AAK1: variants seen among roughly 807,000 people sequenced by gnomAD.
AAK1 encodes the protein AP2-associated protein kinase 1.
Under a neutral mutation model 116.0 loss-of-function variants are expected in AAK1, and 37 were observed. The ratio of observed to expected loss-of-function variants is 0.32; its 90% CI spans 0.25 to 0.42. The LOEUF (loss-of-function observed/expected upper bound fraction) is 0.42, where lower values mean the gene tolerates loss of function less well. Ranked by LOEUF, AAK1 falls within the 10% of genes least tolerant of loss-of-function variation. The pLI, the probability that AAK1 is intolerant of heterozygous loss-of-function variation, is 1.00. For missense variants in AAK1, 919 were observed against 1,170.6 expected (o/e 0.79, Z 3.14); for synonymous variants, 458 against 439.9 (o/e 1.04, Z -0.51).
At chr2:69,477,365 T>C (rs923135866) in intron 20 of AAK1, among the ~76,000 whole-genome samples, 1 of 152,036 alleles carries the variant, frequency 6.6e-6, no homozygotes, top group African/African-American at 2.4e-5. Context: ...TTTGAAAAAC[T>C]CAAAACCGGG....
At chr2:69,535,856 A>T (rs1270305781) in intron 5 of AAK1, among the ~76,000 whole-genome samples, 1 of 152,220 alleles carries the variant, frequency 6.6e-6, no homozygotes, top group Non-Finnish European at 1.5e-5. Flanking sequence ...AGACAAGACA[A>T]TGTGGAGCCA....
intron 12 of AAK1, among the ~76,000 whole-genome samples, chr2:69,518,411 G>GTTT (rs71397333): frequency 3.0e-5 from 4 of 132,608 alleles, no homozygotes; most frequent in Non-Finnish European, 4.8e-5. Flanking sequence ...AAAAAAAATA[G>GTTT]TTTTTTTTTT....
intron 14 of AAK1, among the ~76,000 whole-genome samples, chr2:69,508,663 A>T (rs1440500596): frequency 6.6e-6 from 1 of 152,254 alleles, no homozygotes; most frequent in Admixed American, 6.5e-5. Context: ...ATTATACATC[A>T]TATCAGAGGA....
chr2:69,469,460 T>TGAAG lies in AAK1; in HGVS notation c.*6405_*6408dup. ...TTTCAGGGTGAACAGTTCCTTTATA[T>TGAAG]GAAGGTAGCATTGTGTCAACAAGAA... is the stretch of plus-strand genomic sequence containing the variant. On this transcript the variant is annotated 3_prime_UTR_variant, in exon 22 of 22. Coordinates refer to ENST00000409085, the MANE Select transcript of AAK1 (RefSeq NM_014911.5). The TGAAG allele has an allele frequency of 2.0e-6, 2 of 985,516 alleles. No individual in the cohort carries two copies. The highest frequency in any genetic ancestry group is 2.4e-6 in the Non-Finnish European group (2 of 829,948). The allele number at this position is 985,516 out of a possible 1,614,324, so 61.0% of individuals were successfully genotyped here. A position where few individuals can be genotyped will look rare whatever the true frequency, so the allele number is the denominator to read the frequency against.
chr2:69,637,998 TG>T (rs1675524862), intron 2 of AAK1, among the ~76,000 whole-genome samples: 2 of 152,234 alleles, frequency 1.3e-5, no homozygotes, highest in African/African-American at 4.8e-5. Flanking sequence ...ACTTCATTTC[TG>T]AATTCTAGAT....
chr2:69,618,862 C>A (rs1473339868), intron 2 of AAK1, among the ~76,000 whole-genome samples: 1 of 152,306 alleles, frequency 6.6e-6, no homozygotes, highest in Middle Eastern at 3.4e-3. Context: ...ATCAGTCTCC[C>A]CCATTCTGAC....
At chr2:69,630,751 C>T (rs938451670) in intron 2 of AAK1, among the ~76,000 whole-genome samples, 2 of 152,156 alleles carry the variant, frequency 1.3e-5, no homozygotes, top group Non-Finnish European at 2.9e-5. Context: ...CTAAGGAGAA[C>T]ATCATAGCAC....
At chr2:69,546,033 GA>G (rs938462836) in intron 3 of AAK1, among the ~76,000 whole-genome samples, 5 of 151,958 alleles carry the variant, frequency 3.3e-5, no homozygotes, top group African/African-American at 9.6e-5. Flanking sequence ...ATAATTGACG[GA>G]AAAAGTCCTA....
At chr2:69,509,523 A>G in intron 13 of AAK1, 63 bp from the exon 14 acceptor site, 1 of 1,391,722 alleles carries the variant, frequency 7.2e-7, no homozygotes, top group Non-Finnish European at 9.8e-7. Flanking sequence ...AGGAAAAACA[A>G]ACAGATAAGT....
At chr2:69,611,785 A>T (rs923691204) in intron 2 of AAK1, among the ~76,000 whole-genome samples, 1 of 152,258 alleles carries the variant, frequency 6.6e-6, no homozygotes, top group Admixed American at 6.5e-5. Context: ...AAACTGTGGT[A>T]TAGACATGCA....
In AAK1 at chr2:69,474,935, T is replaced by C. The variant is rs1558890518; in HGVS notation, c.*934A>G. ...AAATAAAAATCACAAGAAAAATACA[T>C]CTGTTTCTGCTACAATTCCTTCCCC... On this transcript the variant is annotated 3_prime_UTR_variant, in exon 22 of 22. Transcript: ENST00000409085. 1.0e-6 allele frequency: 1 copy of C among 985,326 alleles called. No individual in the cohort carries two copies. The allele number at this position is 985,326 out of a possible 1,614,324, so 61.0% of individuals were successfully genotyped here. A position where few individuals can be genotyped will look rare whatever the true frequency, so the allele number is the denominator to read the frequency against.
At chr2:69,578,574 A>C (rs953900805) in intron 2 of AAK1, among the ~76,000 whole-genome samples, 11 of 152,044 alleles carry the variant, frequency 7.2e-5, no homozygotes, top group Non-Finnish European at 1.2e-4. Flanking sequence ...CCACCACCCC[A>C]ATCTACCAAC....
chr2:69,638,170 G>A (rs187484338), intron 2 of AAK1, among the ~76,000 whole-genome samples: 11 of 152,302 alleles, frequency 7.2e-5, no homozygotes, highest in East Asian at 3.9e-4. Flanking sequence ...TGGTGTTTGC[G>A]TCAAGAGAAG....
chr2:69,478,977 G>C lies in AAK1; in HGVS notation c.2654C>G (p.Thr885Arg). The change falls in exon 20 of 22, where the codon ACA becomes AGA. Residue 885 changes from threonine to arginine, a missense_variant. Physicochemically the swap from Thr to Arg is moderately conservative, Grantham distance 71. Around this residue, in one of 4 missense-constraint regions of AAK1, gnomAD observed 263 missense variants for 285.5 expected, o/e 0.92. Coordinates refer to ENST00000409085, the MANE Select transcript of AAK1 (RefSeq NM_014911.5). ...TTTATGGACTGGAGCAGAGATTGCT[G>C]TGGGGGCAAACTCTTCCAGAAGGTC... Reference protein sequence around the residue: ...TTDLLEEFAPTAISAPVHKAA... With the variant: ...TTDLLEEFAPRAISAPVHKAA... The C allele has an allele frequency of 6.2e-7, 1 of 1,613,514 alleles. No homozygotes were observed. Among genetic ancestry groups the C allele is most frequent in the Non-Finnish European group, 8.5e-7 (1 of 1,179,444 alleles).
At position 69,470,235 on chromosome 2, in the gene AAK1, C is replaced by T. The variant is rs900495491; in HGVS notation, c.*5634G>A. 6 of 985,204 alleles carry T rather than the reference C, an allele frequency of 6.1e-6. No homozygotes were observed. The highest frequency in any genetic ancestry group is 6.2e-5 in the Admixed American group (1 of 16,250). 61.0% of individuals were successfully genotyped at this position (985,204 alleles called of 1,614,324 possible). On this transcript the variant is annotated 3_prime_UTR_variant, in exon 22 of 22. Transcript: ENST00000409085. ...TATGATTCTTGCCAAAAACAGAAAA[C>T]GAAGACTTGGAGCATTGAGAAGAAG...
At chr2:69,633,915 A>G (rs1484969887) in intron 2 of AAK1, among the ~76,000 whole-genome samples, 1 of 152,182 alleles carries the variant, frequency 6.6e-6, no homozygotes, top group African/African-American at 2.4e-5. Context: ...CACGCCTGTA[A>G]TCCCACCACT....
chr2:69,469,661 CAT>C lies in AAK1; in HGVS notation c.*6206_*6207del. 1.0e-6 allele frequency: 1 copy of C among 985,486 alleles called. No individual in the cohort carries two copies. Among genetic ancestry groups the C allele is most frequent in the Non-Finnish European group, 1.2e-6 (1 of 829,950 alleles). 61.0% of individuals were successfully genotyped at this position (985,486 alleles called of 1,614,324 possible). A position where few individuals can be genotyped will look rare whatever the true frequency, so the allele number is the denominator to read the frequency against. On this transcript the variant is annotated 3_prime_UTR_variant, in exon 22 of 22. Coordinates refer to ENST00000409085, the MANE Select transcript of AAK1 (RefSeq NM_014911.5). ...GGGGCTAAAGCCCAGGGCCTGGCTT[CAT>C]AGTCTGCACAGGGTCTTACTTATCA...
At chr2:69,582,128 A>C (rs1232821348) in intron 2 of AAK1, among the ~76,000 whole-genome samples, 1 of 152,222 alleles carries the variant, frequency 6.6e-6, no homozygotes, top group African/African-American at 2.4e-5. Flanking sequence ...TCACTGATAA[A>C]GTACTTAGTA....
chr2:69,523,664 A>G (rs537509170), intron 10 of AAK1, among the ~76,000 whole-genome samples: 3 of 152,308 alleles, frequency 2.0e-5, no homozygotes, highest in Non-Finnish European at 4.4e-5. Flanking sequence ...GTAGACCTTC[A>G]TCTACAGGGA....
Sources: allele counts gnomAD v4.1 joint callset (sites outside exome capture counted in the v4.1 genomes callset), GRCh38; gene constraint gnomAD v4.1.1; regional missense constraint gnomAD v4.1.1; transcripts MANE v1.5; gene names NCBI Gene and HGNC (gene_info 2026-07-23, HGNC 2026-07-21).